Variants in TIMELESS observed in about 807,000 individuals in gnomAD.
TIMELESS encodes protein timeless homolog.
A neutral mutation model predicts 164.3 loss-of-function variants in TIMELESS; 124 were observed. That is an observed-to-expected ratio of 0.75 (90% CI 0.65 to 0.88). The LOEUF (loss-of-function observed/expected upper bound fraction) is 0.88. TIMELESS is among the 40% of genes least tolerant of loss of function. The pLI is 0.00. For missense variants in TIMELESS, 1,422 were observed against 1,491.4 expected, an observed-to-expected ratio of 0.95 and a Z score of 0.77; for synonymous variants, 564 against 563.4, an observed-to-expected ratio of 1.00 and a Z score of -0.02.
At chr12:56,440,045 C>G (rs889357009) in intron 1 of TIMELESS, among the ~76,000 whole-genome samples, 8 of 151,540 alleles carry the variant, frequency 5.3e-5, no homozygotes, top group Admixed American at 3.9e-4. Flanking sequence ...CAATATGCAT[C>G]TGAAATCAAT....
In TIMELESS at chr12:56,421,909, C is replaced by T. The variant is rs201423284; in HGVS notation, c.2632G>A (p.Asp878Asn). The change falls in exon 21 of 29, where the codon GAC (aspartate) becomes AAC (asparagine). Residue 878 changes from aspartate to asparagine, a missense_variant. Coordinates refer to ENST00000553532, the MANE Select transcript of TIMELESS (RefSeq NM_003920.5). The stretch of plus-strand genomic sequence containing the variant: ...CATGTGCCTCTCTACCTTTGGAAGT[C>T]CTTGACACTGTCAGCCAGTCCCATC... The part of the protein sequence containing the change: ...VQMGLADSVK[D>N]FQRKGTHIVL... 8 of 1,614,156 alleles carry T rather than the reference C, an allele frequency of 5.0e-6. No individual in the cohort carries two copies. Among genetic ancestry groups the T allele is most frequent in the South Asian group, 1.1e-5 (1 of 91,076 alleles).
intron 26 of TIMELESS, 70 bp downstream of exon 26, chr12:56,420,496 TGAG>T (rs1229623033): frequency 7.6e-4 from 874 of 1,146,506 alleles, no homozygotes; most frequent in Non-Finnish European, 9.1e-4. Context: ...ACCATGACAG[TGAG>T]GAGGAGGAGG....
At chr12:56,426,090 G>T (rs992251997) in intron 13 of TIMELESS, among the ~76,000 whole-genome samples, 3 of 152,134 alleles carry the variant, frequency 2.0e-5, no homozygotes, top group African/African-American at 7.2e-5. Flanking sequence ...GAGTCCAGCA[G>T]ATCTGGATTT....
intron 7 of TIMELESS, 111 bp from the exon 8 acceptor site, chr12:56,431,715 T>C (rs554930323): frequency 1.5e-4 from 204 of 1,348,616 alleles, no homozygotes; most frequent in Non-Finnish European, 1.9e-4. Flanking sequence ...TAATGGGGCA[T>C]TGTGCTGTCG....
rs1882081573 is a variant in TIMELESS, at chr12:56,436,703, T to C, written c.-61-2472A>G. Among the ~76,000 whole-genome samples, 3 of 152,130 alleles carry C rather than the reference T, an allele frequency of 2.0e-5. No homozygotes were observed. The South Asian group carries it at 6.2e-4, about 31-fold the overall frequency. ...TTAGAACACCGAACAGTGGTCAGAATTCAGTAAGAATACATTATCCTTATT... is the reference window on the plus strand; with the variant it reads ...TTAGAACACCGAACAGTGGTCAGAACTCAGTAAGAATACATTATCCTTATT... On this transcript the variant is annotated intron_variant, in intron 1 of 28. Transcript: ENST00000553532.
intron 1 of TIMELESS, 113 bp downstream of exon 1, chr12:56,449,196 CT>C (rs1868480073): frequency 6.6e-6 from 1 of 152,358 alleles, no homozygotes; most frequent in South Asian, 2.1e-4. Context: ...GCCCCGCCCC[CT>C]GGCTCTAAAC....
chr12:56,428,183 C>A (rs377395117), intron 13 of TIMELESS, 53 bp downstream of exon 13: 1 of 1,489,078 alleles, frequency 6.7e-7, no homozygotes, highest in Non-Finnish European at 9.0e-7. Flanking sequence ...AAAGAGCCCC[C>A]CTTCCTTGAC....
chr12:56,444,896 C>T lies in TIMELESS; in HGVS notation c.-62+4414G>A, dbSNP rs185979839. On this transcript the variant is annotated intron_variant, in intron 1 of 28. Coordinates refer to ENST00000553532, the MANE Select transcript of TIMELESS (RefSeq NM_003920.5). ...ACCCTCTCCCATGCACTTCAACTAC[C>T]ACCCAAGCCAGAAGCCAGCAAATCT... Among the ~76,000 whole-genome samples the T allele has an allele frequency of 1.3e-4, 19 of 151,762 alleles. No individual in the cohort carries two copies. In the East Asian group the frequency reaches 3.3e-3, roughly 26 times the overall value.
intron 13 of TIMELESS, among the ~76,000 whole-genome samples, chr12:56,426,496 C>T (rs550140672): frequency 1.2e-4 from 18 of 151,700 alleles, no homozygotes; most frequent in Non-Finnish European, 1.5e-4. Flanking sequence ...AAGCGATTCT[C>T]CTGCCTCAGC....
rs776703533 is a variant in TIMELESS, at chr12:56,421,891, C to T, written c.2642+8G>A. On this transcript the variant is annotated splice_region_variant and intron_variant, in intron 21 of 28. Transcript: ENST00000553532. ...TCCCAATAGCCTCCAGAGCATGTGC[C>T]TCTCTACCTTTGGAAGTCCTTGACA... 5 of 1,614,038 alleles carry T rather than the reference C, an allele frequency of 3.1e-6. No individual in the cohort carries two copies. The South Asian group carries it at 3.3e-5, about 11-fold the overall frequency.
At chr12:56,420,771 C>T (rs1278667685) in intron 25 of TIMELESS, 42 bp downstream of exon 25, 1 of 1,613,480 alleles carries the variant, frequency 6.2e-7, no homozygotes, top group Admixed American at 1.7e-5. Context: ...TCTCCAATAG[C>T]CTCCAGGGCT....
chr12:56,418,392 A>C (rs1299076761), intron 26 of TIMELESS, 33 bp from the exon 27 acceptor site: 1 of 1,508,490 alleles, frequency 6.6e-7, no homozygotes, highest in Non-Finnish European at 9.0e-7. Context: ...AAGGGAAAGG[A>C]CCAGCTTTTT....
At chr12:56,422,224 G>C (rs1041274011) in intron 19 of TIMELESS, 33 bp from the exon 20 acceptor site, 1 of 1,603,256 alleles carries the variant, frequency 6.2e-7, no homozygotes, top group South Asian at 1.1e-5. Flanking sequence ...GAGCATATAG[G>C]TTCTTGGCCC....
intron 1 of TIMELESS, among the ~76,000 whole-genome samples, chr12:56,437,451 A>T (rs1882109349): frequency 6.6e-6 from 1 of 151,344 alleles, no homozygotes; most frequent in Non-Finnish European, 1.5e-5. Context: ...GGTCTCACTC[A>T]GGCACCCAGG....
intron 7 of TIMELESS, among the ~76,000 whole-genome samples, chr12:56,431,823 CAT>C (rs1296119446): frequency 3.3e-5 from 5 of 150,986 alleles, no homozygotes; most frequent in African/African-American, 1.2e-4. Context: ...TTCATATATA[CAT>C]ATATATATTT....
intron 2 of TIMELESS, 26 bp from the exon 3 acceptor site, chr12:56,433,952 T>C (rs747161184): frequency 3.3e-5 from 54 of 1,613,092 alleles, no homozygotes; most frequent in Non-Finnish European, 3.2e-5. Flanking sequence ...AAAACATGCA[T>C]GTGGAACCTT....
intron 13 of TIMELESS, 33 bp downstream of exon 13, chr12:56,428,203 C>T: frequency 1.3e-6 from 2 of 1,546,164 alleles, no homozygotes; most frequent in Middle Eastern, 1.9e-4. Flanking sequence ...CTCTCCCTTA[C>T]AGCTCTTTCT....
chr12:56,444,342 A>C (rs934579067), intron 1 of TIMELESS, among the ~76,000 whole-genome samples: 1 of 152,056 alleles, frequency 6.6e-6, no homozygotes, highest in African/African-American at 2.4e-5. Flanking sequence ...GGAACAATTG[A>C]GGTTATCAGA....
At chr12:56,424,984 C>A (rs1414181004) in intron 14 of TIMELESS, 31 bp downstream of exon 14, 1 of 1,613,280 alleles carries the variant, frequency 6.2e-7, no homozygotes, top group Admixed American at 1.7e-5. Context: ...GCACTATTCT[C>A]AAAAAAGACA....
Sources: gnomAD v4.1 joint callset for allele counts (sites outside exome capture counted in the v4.1 genomes callset) on GRCh38, gnomAD v4.1.1 for gene constraint, MANE v1.5 for transcripts, NCBI Gene and HGNC (gene_info 2026-07-23, HGNC 2026-07-21) for gene names.